The following CCDC18 variants were observed in gnomAD, a reference collection of about 807,000 sequenced individuals.
The protein encoded by CCDC18 is coiled-coil domain-containing protein 18.
CCDC18 carries 157 observed loss-of-function variants against 196.0 expected under a neutral mutation model. The observed-to-expected ratio is 0.80, with a 90% CI of 0.70 to 0.91. The LOEUF (loss-of-function observed/expected upper bound fraction) is 0.91, where lower values mean the gene tolerates loss of function less well. CCDC18 is among the 40% of genes least tolerant of loss of function. The probability of loss-of-function intolerance (pLI) is 0.00; values close to 1 mark genes in which losing one functional copy is unlikely to be tolerated. For missense variants in CCDC18, 1,465 were observed against 1,611.6 expected, an observed-to-expected ratio of 0.91 and a Z score of 1.56; for synonymous variants, 482 against 529.2, an observed-to-expected ratio of 0.91 and a Z score of 1.22.
At chr1:93,213,848 G>A (rs1253822181) in intron 11 of CCDC18, among the ~76,000 whole-genome samples, 3 of 152,112 alleles carry the variant, frequency 2.0e-5, no homozygotes, top group African/African-American at 4.8e-5. Flanking sequence ...TTTACATCAA[G>A]AACAGAGCCA....
chr1:93,180,191 G>T (rs1413607709), upstream of CCDC18: 2 of 1,613,514 alleles, frequency 1.2e-6, no homozygotes, highest in Non-Finnish European at 1.7e-6. Context: ...AGCACCGGAG[G>T]CAGAGCGGCC....
At chr1:93,213,342 A>G (rs553068028) in intron 11 of CCDC18, among the ~76,000 whole-genome samples, 2 of 151,808 alleles carry the variant, frequency 1.3e-5, no homozygotes, top group South Asian at 2.1e-4. Context: ...CACAGTCAAG[A>G]CATAAGACAT....
intron 6 of CCDC18, among the ~76,000 whole-genome samples, chr1:93,194,824 A>G (rs1235053805): frequency 1.3e-5 from 2 of 152,200 alleles, no homozygotes; most frequent in Non-Finnish European, 2.9e-5. Context: ...AGTTTCCTCT[A>G]TGCAACTTAG....
intron 8 of CCDC18, 133 bp downstream of exon 8, chr1:93,205,764 T>A (rs1046403587): frequency 1.3e-6 from 1 of 790,200 alleles, no homozygotes; most frequent in African/African-American, 1.8e-5. Flanking sequence ...TGACTGAAAC[T>A]GTTTTCTAGC....
intron 5 of CCDC18, 97 bp downstream of exon 5, chr1:93,192,203 A>G (rs1651935784): frequency 5.1e-6 from 4 of 788,230 alleles, no homozygotes; most frequent in South Asian, 1.7e-5. Context: ...ATAAATTTAC[A>G]GTAACCTAAT....
In CCDC18 at chr1:93,256,438, C is replaced by T; in HGVS notation, c.3446C>T (p.Thr1149Ile). 6 of 1,614,046 alleles carry T rather than the reference C, an allele frequency of 3.7e-6. No homozygotes were observed. The highest frequency in any genetic ancestry group is 5.1e-6 in the Non-Finnish European group (6 of 1,179,980). Residue 1149 changes from threonine to isoleucine, a missense_variant, in exon 25 of 29, where the codon ACA (threonine) becomes ATA (isoleucine). Thr to Ile is a moderately conservative substitution (Grantham distance 89). Transcript: ENST00000690025. ...CGGGAGCAGGTGCAGAACTCTCATACAGAATTGGCAGAGGCTCGTCATCAG... is the reference window on the plus strand; with the variant it reads ...CGGGAGCAGGTGCAGAACTCTCATATAGAATTGGCAGAGGCTCGTCATCAG... ...LTREQVQNSH[T>I]ELAEARHQQV...
chr1:93,222,001 T>G, intron 16 of CCDC18, 65 bp downstream of exon 16: 1 of 1,121,808 alleles, frequency 8.9e-7, no homozygotes, highest in Non-Finnish European at 1.3e-6. Flanking sequence ...ACAGAATCTC[T>G]CTCATTTGCC....
chr1:93,256,376 G>A lies in CCDC18; in HGVS notation c.3384G>A (p.Lys1128=). 6.2e-7 allele frequency: 1 copy of A among 1,614,054 alleles called. No homozygotes were observed. Among genetic ancestry groups the A allele is most frequent in the Non-Finnish European group, 8.5e-7 (1 of 1,179,980 alleles). Residue 1128 remains lysine (K), a synonymous_variant, in exon 25 of 29, where the codon AAG becomes AAA. Transcript: ENST00000690025. The part of the protein sequence containing the change: ...EQEQYIATQY[K]EAIDLGQELR... ...AACAGTACATTGCCACTCAGTACAA[G>A]GAGGCCATAGATTTGGGGCAAGAAT... is the stretch of plus-strand genomic sequence containing the variant.
intron 16 of CCDC18, among the ~76,000 whole-genome samples, chr1:93,225,104 T>G (rs1224831870): frequency 6.6e-6 from 1 of 152,166 alleles, no homozygotes; most frequent in Non-Finnish European, 1.5e-5. Context: ...AGAATGTTTT[T>G]CTCGTTTTTT....
At chr1:93,196,830 G>A (rs1048751337) in intron 6 of CCDC18, among the ~76,000 whole-genome samples, 1 of 152,172 alleles carries the variant, frequency 6.6e-6, no homozygotes, top group Non-Finnish European at 1.5e-5. Flanking sequence ...GATGTCGTAT[G>A]TATTATCTTC....
Position 93,207,113 on chromosome 1 carries a change from A to G in CCDC18, c.924A>G (p.Leu308=), listed in dbSNP as rs74707280. The change falls in exon 9 of 29, where the codon TTA becomes TTG. Residue 308 remains leucine, a synonymous_variant. Coordinates refer to ENST00000690025, the MANE Select transcript of CCDC18 (RefSeq NM_001378204.1). ...TATTCTCTTTTCTTCATAGGCAGTTAAAAGAAGAAAATAACAACGGAAAAG... is the reference window on the plus strand; with the variant it reads ...TATTCTCTTTTCTTCATAGGCAGTTGAAAGAAGAAAATAACAACGGAAAAG... ...LEILKEKLRQ[L]KEENNNGKEK... 8 of 1,465,914 alleles carry G rather than the reference A, an allele frequency of 5.5e-6. No individual in the cohort carries two copies. In the East Asian group the frequency reaches 1.4e-4, roughly 26 times the overall value. The allele number at this position is 1,465,914 out of a possible 1,614,324, so 90.8% of individuals were successfully genotyped here.
chr1:93,256,062 A>G (rs1411479013), intron 24 of CCDC18, among the ~76,000 whole-genome samples: 1 of 152,142 alleles, frequency 6.6e-6, no homozygotes, highest in Non-Finnish European at 1.5e-5. Flanking sequence ...TAAAATGATA[A>G]AAGATTATAT....
At chr1:93,221,360 C>T (rs889030107) in intron 14 of CCDC18, among the ~76,000 whole-genome samples, 1 of 151,922 alleles carries the variant, frequency 6.6e-6, no homozygotes. Context: ...TTTCGATTTG[C>T]ATTTCTTGAG....
chr1:93,216,933 C>CTT (rs1448912420), intron 13 of CCDC18, among the ~76,000 whole-genome samples, 187 bp downstream of exon 13: 2 of 95,374 alleles, frequency 2.1e-5, no homozygotes, highest in South Asian at 2.5e-4. Context: ...TCCAAGTTTT[C>CTT]TCTTTTTTTT....
intron 7 of CCDC18, among the ~76,000 whole-genome samples, chr1:93,203,630 G>A (rs1354971289): frequency 6.6e-6 from 1 of 152,174 alleles, no homozygotes; most frequent in African/African-American, 2.4e-5. Context: ...TTAAAAAGAA[G>A]GTGGTGATCT....
intron 7 of CCDC18, 44 bp downstream of exon 7, chr1:93,202,032 A>G (rs1481383743): frequency 1.7e-5 from 18 of 1,076,890 alleles, no homozygotes; most frequent in Non-Finnish European, 2.4e-5. Context: ...ATTACTGTCT[A>G]TATTCCAACA....
Position 93,246,116 on chromosome 1 carries a change from T to C in CCDC18, c.2993T>C (p.Met998Thr). Residue 998 changes from methionine (M) to threonine (T), a missense_variant, in exon 22 of 29, where the codon ATG becomes ACG. Coordinates refer to ENST00000690025, the MANE Select transcript of CCDC18 (RefSeq NM_001378204.1). ...DLTAELRECK[M>T]EIEDKKQELL... is the part of the protein sequence containing the mutation. ...TTGATAAATTGTAGAGAATGCAAGA[T>C]GGAGATTGAAGACAAAAAGCAGGAG... 6.2e-7 allele frequency: 1 copy of C among 1,600,092 alleles called. No homozygotes were observed. The highest frequency in any genetic ancestry group is 8.5e-7 in the Non-Finnish European group (1 of 1,172,386).
chr1:93,210,811 GA>G lies in CCDC18; in HGVS notation c.1221del (p.Glu407AspfsTer14). The G allele has an allele frequency of 6.3e-7, 1 of 1,593,076 alleles. No homozygotes were observed. The highest frequency in any genetic ancestry group is 8.6e-7 in the Non-Finnish European group (1 of 1,161,504). On this transcript the variant is annotated frameshift_variant, in exon 10 of 29. Transcript: ENST00000690025. LOFTEE classifies it high-confidence loss of function. The part of the protein sequence containing the change: ...KIISQLPLKR[E>X]LFGFKSYLSK... ...GTTTTTAAACTTGCAGTTAAAAAGA[GA>G]ATTATTTGGCTTTAAATCATATCTT...
At chr1:93,220,622 T>C (rs1158698641) in intron 14 of CCDC18, among the ~76,000 whole-genome samples, 1 of 152,146 alleles carries the variant, frequency 6.6e-6, no homozygotes, top group Non-Finnish European at 1.5e-5. Context: ...CATTTTGCCT[T>C]TTTTTCTTCA....
Sources: allele counts gnomAD v4.1 joint callset (sites outside exome capture counted in the v4.1 genomes callset), GRCh38; gene constraint gnomAD v4.1.1; transcripts MANE v1.5; gene names NCBI Gene and HGNC (gene_info 2026-07-23, HGNC 2026-07-21).